Variants in SCUBE1 observed in about 807,000 individuals in gnomAD.
The protein encoded by SCUBE1 is signal peptide, CUB domain and EGF like domain containing 1, also known as signal peptide, CUB and EGF-like domain-containing protein 1.
A neutral mutation model predicts 124.4 loss-of-function variants in SCUBE1; 59 were observed. That is an observed-to-expected ratio of 0.47 (90% CI 0.38 to 0.59). The LOEUF (loss-of-function observed/expected upper bound fraction) is 0.59. Ranked by LOEUF, SCUBE1 falls within the 20% of genes least tolerant of loss-of-function variation. The pLI, the probability that SCUBE1 is intolerant of heterozygous loss-of-function variation, is 0.00. For synonymous variants in SCUBE1, 545 were observed against 550.9 expected, an observed-to-expected ratio of 0.99 and a Z score of 0.15; for missense variants, 1,150 against 1,371.2, an observed-to-expected ratio of 0.84 and a Z score of 2.55.
intron 1 of SCUBE1, among the ~76,000 whole-genome samples, chr22:43,342,901 CTTT>C: frequency 6.6e-6 from 1 of 151,976 alleles, no homozygotes; most frequent in Admixed American, 6.5e-5. Context: ...GAACCGCCGC[CTTT>C]CTTCCTCGCT....
chr22:43,299,079 G>A (rs1328527337), intron 3 of SCUBE1, among the ~76,000 whole-genome samples: 1 of 151,544 alleles, frequency 6.6e-6, no homozygotes, highest in African/African-American at 2.4e-5. Flanking sequence ...AAAAGATTCA[G>A]TGAGTCTTTG....
rs967393915 is a variant in SCUBE1, at chr22:43,258,840, G to C, written c.611-505C>G. On this transcript the variant is annotated intron_variant, in intron 5 of 21. Transcript: ENST00000360835. This position sits in a 1 kb window ranked among gnomAD's most constrained non-coding sequence, Gnocchi z 5.0. ...TGGGGTGTGTGGATGTCTCCACGGA[G>C]GTCCCCCCTCAGAGTCCCAGGGGCC... 6.6e-6 allele frequency among the ~76,000 whole-genome samples: 1 copy of C among 152,120 alleles called. No individual in the cohort carries two copies. The highest frequency in any genetic ancestry group is 2.4e-5 in the African/African-American group (1 of 41,418).
chr22:43,220,334 C>T lies in SCUBE1; in HGVS notation c.1687+116G>A, dbSNP rs990987417. The T allele has an allele frequency of 2.4e-6, 3 of 1,228,340 alleles. No homozygotes were observed. The African/African-American group carries it at 4.5e-5, about 19-fold the overall frequency. The allele number at this position is 1,228,340 out of a possible 1,614,324, so 76.1% of individuals were successfully genotyped here. On this transcript the variant is annotated intron_variant, in intron 14 of 21. Transcript: ENST00000360835. ...TCCAGAAGCTGGGCTCCCATCCCAGCCACAGCTGTGCTCTGGTGGGAGCCT... is the reference window on the plus strand; with the variant it reads ...TCCAGAAGCTGGGCTCCCATCCCAGTCACAGCTGTGCTCTGGTGGGAGCCT...
rs2001075 is a variant in SCUBE1, at chr22:43,245,652, G to A, written c.728-6698C>T. On this transcript the variant is annotated intron_variant, in intron 6 of 21. Coordinates refer to ENST00000360835, the MANE Select transcript of SCUBE1 (RefSeq NM_173050.5). ...CACCCAGGCCTCTGAGGCAGCCCAG[G>A]GTCTCCTGGACTCTGCCTTTTTAGT... Among the ~76,000 whole-genome samples, 11 of 152,256 alleles carry A rather than the reference G, an allele frequency of 7.2e-5. No individual in the cohort carries two copies. The East Asian group carries it at 1.9e-3, about 27-fold the overall frequency.
At chr22:43,231,990 C>T in intron 7 of SCUBE1, 115 bp from the exon 8 acceptor site, 3 of 1,307,362 alleles carry the variant, frequency 2.3e-6, no homozygotes, top group Admixed American at 1.9e-5. Flanking sequence ...TGCCTGGTGC[C>T]CACTTCCCAA....
At chr22:43,214,421 G>A (rs771453262) in intron 15 of SCUBE1, among the ~76,000 whole-genome samples, 170 bp from the exon 16 acceptor site, 11 of 152,216 alleles carry the variant, frequency 7.2e-5, no homozygotes, top group Non-Finnish European at 1.5e-4. Flanking sequence ...GCAAGACCCA[G>A]GAGGCAGCCA....
At chr22:43,309,094 C>T (rs890726892) in intron 3 of SCUBE1, among the ~76,000 whole-genome samples, 5 of 152,146 alleles carry the variant, frequency 3.3e-5, no homozygotes, top group Middle Eastern at 6.8e-3. Flanking sequence ...AAAGGGCTTC[C>T]CACACGGCCC....
At chr22:43,263,176 A>G (rs1923936530) in intron 4 of SCUBE1, among the ~76,000 whole-genome samples, 1 of 151,998 alleles carries the variant, frequency 6.6e-6, no homozygotes, top group Admixed American at 6.5e-5. Context: ...CTGTAGAACT[A>G]CTTTTGTGTC....
rs548955429 is a variant in SCUBE1, at chr22:43,307,110, T to C, written c.349+12827A>G. 9.5e-4 allele frequency among the ~76,000 whole-genome samples: 145 copies of C among 152,316 alleles called. 1 individual carries two copies. The highest frequency in any genetic ancestry group is 1.8e-3 in the Non-Finnish European group (122 of 68,030). On this transcript the variant is annotated intron_variant, in intron 3 of 21. Transcript: ENST00000360835. ...CCTTTGCAGGCCTTGGATAAAGAGC[T>C]TGGCCAATCCAGAGCTCAGCACTCG...
Position 43,201,443 on chromosome 22 carries a change from G to GA in SCUBE1, c.*2553dup. 1 of 152,168 alleles carries GA rather than the reference G, an allele frequency of 6.6e-6. No individual in the cohort carries two copies. Among genetic ancestry groups the GA allele is most frequent in the Non-Finnish European group, 1.5e-5 (1 of 68,064 alleles). 9.4% of individuals were successfully genotyped at this position (152,168 alleles called of 1,614,324 possible). On this transcript the variant is annotated 3_prime_UTR_variant, in exon 22 of 22. Transcript: ENST00000360835. ...GGTGAACGGATACCCAGCTAGCTGG[G>GA]AAAACATGCTAGGGTGTTTCCAGAA...
At chr22:43,336,611 G>C (rs1481365799) in intron 2 of SCUBE1, among the ~76,000 whole-genome samples, 1 of 152,142 alleles carries the variant, frequency 6.6e-6, no homozygotes, top group Non-Finnish European at 1.5e-5. Context: ...GCTTATGGTG[G>C]GCCCTCAATA....
At chr22:43,311,093 G>A (rs1353233017) in intron 3 of SCUBE1, among the ~76,000 whole-genome samples, 1 of 152,210 alleles carries the variant, frequency 6.6e-6, no homozygotes, top group Non-Finnish European at 1.5e-5. Context: ...TACATATTGA[G>A]GTGGTTTCTT....
intron 4 of SCUBE1, among the ~76,000 whole-genome samples, chr22:43,276,786 T>C (rs1437914496): frequency 6.6e-6 from 1 of 152,196 alleles, no homozygotes; most frequent in African/African-American, 2.4e-5. Flanking sequence ...GCCCCCAACA[T>C]GCTAAGTGAC....
At chr22:43,206,399 A>G (rs1233364073) in intron 21 of SCUBE1, among the ~76,000 whole-genome samples, 2 of 151,732 alleles carry the variant, frequency 1.3e-5, no homozygotes, top group Non-Finnish European at 2.9e-5. Flanking sequence ...CACCCCCCGC[A>G]CACACACACG....
chr22:43,283,405 G>A (rs370592732), intron 4 of SCUBE1: 12 of 152,322 alleles, frequency 7.9e-5, no homozygotes, highest in African/African-American at 2.4e-4. Context: ...CAGGGTTCAA[G>A]GAATTGCAAT....
At chr22:43,312,217 A>C (rs1926195005) in intron 3 of SCUBE1, among the ~76,000 whole-genome samples, 1 of 152,240 alleles carries the variant, frequency 6.6e-6, no homozygotes. Context: ...AGGTTCCAAG[A>C]AGAAAGACAG....
At chr22:43,325,735 C>T (rs17441356) in intron 2 of SCUBE1, among the ~76,000 whole-genome samples, 2,092 of 152,010 alleles carry the variant, frequency 0.014, 28 homozygotes, top group Non-Finnish European at 0.017. Flanking sequence ...TTAATGAAAA[C>T]TCAATTCCCA....
intron 6 of SCUBE1, among the ~76,000 whole-genome samples, chr22:43,253,071 G>A (rs145142541): frequency 2.3e-3 from 322 of 142,710 alleles, no homozygotes; most frequent in African/African-American, 8.4e-3. Flanking sequence ...GGATGGGAAC[G>A]GTCACCTCCC....
At chr22:43,280,379 TC>T (rs531021218) in intron 4 of SCUBE1, among the ~76,000 whole-genome samples, 145 of 132,380 alleles carry the variant, frequency 1.1e-3, no homozygotes, top group Non-Finnish European at 2.1e-3. Context: ...TCTCTCACCG[TC>T]CCCTCACCCA....
Sources: allele counts gnomAD v4.1 joint callset (sites outside exome capture counted in the v4.1 genomes callset), GRCh38; gene constraint gnomAD v4.1.1; non-coding constraint Gnocchi (gnomAD v3.1); transcripts MANE v1.5; gene names NCBI Gene and HGNC (gene_info 2026-07-23, HGNC 2026-07-21).